PTPRO: variants seen among roughly 807,000 people sequenced by gnomAD.
PTPRO encodes the protein protein tyrosine phosphatase receptor type O, also known as receptor-type tyrosine-protein phosphatase O.
In PTPRO, 62 loss-of-function variants were observed where a neutral mutation model predicts 145.2. The observed-to-expected ratio is 0.43, with a 90% CI of 0.35 to 0.53. PTPRO has a LOEUF of 0.53. Among genes scored for constraint, PTPRO ranks in the 20% least tolerant of loss-of-function variants. PTPRO has a pLI of 0.01. For synonymous variants in PTPRO, 565 were observed against 514.7 expected (o/e 1.10, Z -1.32); for missense variants, 1,345 against 1,482.7 (o/e 0.91, Z 1.53).
chr12:15,435,905 G>T (rs1299354152), intron 1 of PTPRO, among the ~76,000 whole-genome samples: 1 of 152,190 alleles, frequency 6.6e-6, no homozygotes, highest in African/African-American at 2.4e-5. Context: ...AGTCAGACTA[G>T]CCAGGCTGGC....
At chr12:15,332,673 G>A (rs1281626202) in intron 1 of PTPRO, among the ~76,000 whole-genome samples, 2 of 152,124 alleles carry the variant, frequency 1.3e-5, no homozygotes, top group African/African-American at 4.8e-5. Flanking sequence ...CTGATGCTTA[G>A]ATATTGTCTC....
chr12:15,466,577 C>T (rs1358134037), intron 1 of PTPRO, among the ~76,000 whole-genome samples: 1 of 151,978 alleles, frequency 6.6e-6, no homozygotes, highest in African/African-American at 2.4e-5. Context: ...CTTTTTAGAC[C>T]ATCAAAATTA....
At chr12:15,398,038 G>A (rs546124243) in intron 1 of PTPRO, among the ~76,000 whole-genome samples, 1 of 152,246 alleles carries the variant, frequency 6.6e-6, no homozygotes, top group Admixed American at 6.5e-5. Flanking sequence ...GGCATGAGGC[G>A]AGGCAAGGGT....
intron 1 of PTPRO, among the ~76,000 whole-genome samples, chr12:15,354,289 G>A (rs11831208): frequency 0.38 from 57,898 of 151,942 alleles, 12,188 homozygotes; most frequent in African/African-American, 0.57. Flanking sequence ...TAAAGCATCA[G>A]TGATTTCACC....
intron 19 of PTPRO, among the ~76,000 whole-genome samples, chr12:15,577,984 C>G (rs1460174579): frequency 2.6e-5 from 4 of 152,158 alleles, no homozygotes; most frequent in Non-Finnish European, 5.9e-5. Flanking sequence ...AATTTCCCAT[C>G]AGTTCACCTT....
chr12:15,572,853 T>G (rs1435739420), intron 19 of PTPRO, among the ~76,000 whole-genome samples: 1 of 152,188 alleles, frequency 6.6e-6, no homozygotes, highest in Non-Finnish European at 1.5e-5. Context: ...GGAGTGTTTT[T>G]GGTTGTTATA....
chr12:15,415,587 A>AGG (rs1565616372), intron 1 of PTPRO, among the ~76,000 whole-genome samples: 2 of 150,438 alleles, frequency 1.3e-5, no homozygotes, highest in African/African-American at 2.5e-5. Context: ...GGTTTCACTC[A>AGG]TGTTAGCCAG....
intron 1 of PTPRO, chr12:15,348,266 A>C (rs1937658250): frequency 6.6e-6 from 1 of 152,254 alleles, no homozygotes; most frequent in South Asian, 2.1e-4. Context: ...GACTCACCCT[A>C]CCATTGCTGG....
chr12:15,462,187 C>T (rs1483461878), intron 1 of PTPRO, among the ~76,000 whole-genome samples: 6 of 152,210 alleles, frequency 3.9e-5, no homozygotes, highest in African/African-American at 9.6e-5. Context: ...TGCAATGGTG[C>T]AATCTTGGCT....
At chr12:15,434,148 A>G (rs910662710) in intron 1 of PTPRO, among the ~76,000 whole-genome samples, 1 of 152,220 alleles carries the variant, frequency 6.6e-6, no homozygotes, top group Non-Finnish European at 1.5e-5. Context: ...GTTATATCCC[A>G]TATTTCTAGA....
At chr12:15,548,953 G>A in intron 13 of PTPRO, 141 bp from the exon 14 acceptor site, 1 of 953,640 alleles carries the variant, frequency 1.0e-6, no homozygotes. Context: ...GGGGAAAAAA[G>A]GAAACATTTT....
intron 2 of PTPRO, among the ~76,000 whole-genome samples, chr12:15,496,079 A>G (rs1942095049): frequency 6.6e-6 from 1 of 151,592 alleles, no homozygotes; most frequent in African/African-American, 2.4e-5. Flanking sequence ...GATCACAGTT[A>G]CGTCTTTTGG....
intron 16 of PTPRO, among the ~76,000 whole-genome samples, chr12:15,559,476 G>A (rs1480334403): frequency 3.9e-5 from 6 of 152,092 alleles, no homozygotes; most frequent in African/African-American, 1.2e-4. Flanking sequence ...TCTGAAACCA[G>A]GCATTTAAAT....
At chr12:15,525,612 G>C (rs1207735857) in intron 11 of PTPRO, among the ~76,000 whole-genome samples, 1 of 152,182 alleles carries the variant, frequency 6.6e-6, no homozygotes, top group Non-Finnish European at 1.5e-5. Context: ...AAAGAAAAGG[G>C]ATGATGTGGA....
intron 18 of PTPRO, 34 bp from the exon 19 acceptor site, chr12:15,569,383 A>T: frequency 1.3e-6 from 2 of 1,529,752 alleles, no homozygotes; most frequent in Non-Finnish European, 9.1e-7. Context: ...CAAGAATTTT[A>T]AAATGTATGT....
rs188594063 is a variant in PTPRO, at chr12:15,385,136, G to T, written c.75+62335G>T. 7.2e-5 allele frequency among the ~76,000 whole-genome samples: 11 copies of T among 151,876 alleles called. No individual in the cohort carries two copies. The East Asian group carries it at 1.9e-3, about 27-fold the overall frequency. On this transcript the variant is annotated intron_variant, in intron 1 of 26. Transcript: ENST00000281171. ...CATTTAGTCAATTCAACAATTTACA[G>T]GGCTGAAAATATTTATTGTAACTTG...
intron 1 of PTPRO, among the ~76,000 whole-genome samples, chr12:15,328,925 A>G (rs1455048913): frequency 2.0e-5 from 3 of 152,206 alleles, no homozygotes; most frequent in Non-Finnish European, 4.4e-5. Flanking sequence ...ATTTATCTAC[A>G]AGTAGTGGTG....
At chr12:15,537,934 G>T (rs896857514) in intron 12 of PTPRO, among the ~76,000 whole-genome samples, 15 of 152,144 alleles carry the variant, frequency 9.9e-5, no homozygotes, top group African/African-American at 2.9e-4. Flanking sequence ...CATGATAGCC[G>T]CTTGTGGATG....
intron 12 of PTPRO, among the ~76,000 whole-genome samples, chr12:15,536,823 G>C (rs898331546): frequency 2.6e-5 from 4 of 152,118 alleles, no homozygotes; most frequent in African/African-American, 9.7e-5. Context: ...AAGTGTTCCC[G>C]TGTGGACATT....
Sources: allele counts gnomAD v4.1 joint callset (sites outside exome capture counted in the v4.1 genomes callset), GRCh38; gene constraint gnomAD v4.1.1; transcripts MANE v1.5; gene names NCBI Gene and HGNC (gene_info 2026-07-23, HGNC 2026-07-21).